Variants in SMARCB1 observed in about 807,000 individuals in gnomAD.
The protein encoded by SMARCB1 is SWI/SNF-related matrix-associated actin-dependent regulator of chromatin subfamily B member 1.
A neutral mutation model predicts 49.0 loss-of-function variants in SMARCB1; 5 were observed. That is an observed-to-expected ratio of 0.10 (90% confidence interval 0.05 to 0.21). SMARCB1 has a LOEUF of 0.21. SMARCB1 is among the 10% of genes least tolerant of loss of function. SMARCB1 has a pLI of 1.00. For synonymous variants in SMARCB1, 201 were observed against 200.1 expected, an observed-to-expected ratio of 1.00 and a Z score of -0.04; for missense variants, 226 against 509.2, an observed-to-expected ratio of 0.44 and a Z score of 5.35.
chr22:23,822,433 C>T (rs754074646), intron 6 of SMARCB1, among the ~76,000 whole-genome samples: 2 of 152,194 alleles, frequency 1.3e-5, no homozygotes, highest in Non-Finnish European at 2.9e-5. Context: ...GTGAGTCCAC[C>T]TGGAGTCCAG....
In SMARCB1 at chr22:23,834,284, C is replaced by T; in HGVS notation, c.*104C>T. 1 of 1,305,520 alleles carries T rather than the reference C, an allele frequency of 7.7e-7. No homozygotes were observed. Among genetic ancestry groups the T allele is most frequent in the African/African-American group, 1.5e-5 (1 of 67,816 alleles). The allele number at this position is 1,305,520 out of a possible 1,614,324, so 80.9% of individuals were successfully genotyped here. ...AGGCGAGGGGACAGCCCAGCGCCATCCTGAGGATCGGGTGGGGGTGGAGTG... is the reference window on the plus strand; with the variant it reads ...AGGCGAGGGGACAGCCCAGCGCCATTCTGAGGATCGGGTGGGGGTGGAGTG... On this transcript the variant is annotated 3_prime_UTR_variant, in exon 9 of 9. Transcript: ENST00000644036.
rs2030897636 is a variant in SMARCB1, at chr22:23,834,737, CAG to C, written c.*562_*563del. On this transcript the variant is annotated 3_prime_UTR_variant, in exon 9 of 9. Transcript: ENST00000644036. Reference sequence around the variant, plus strand: ...CCTCAGCCTGTTCTCCTTCCAGACCCAGAGAGCTGAGAAGAGTAGCTGTGAGG... The same window carrying C: ...CCTCAGCCTGTTCTCCTTCCAGACCCAGAGCTGAGAAGAGTAGCTGTGAGG... 6.7e-7 allele frequency: 1 copy of C among 1,483,886 alleles called. No individual in the cohort carries two copies. The highest frequency in any genetic ancestry group is 1.4e-5 in the African/African-American group (1 of 70,958). 91.9% of individuals were successfully genotyped at this position (1,483,886 alleles called of 1,614,324 possible).
intron 1 of SMARCB1, among the ~76,000 whole-genome samples, chr22:23,790,774 T>A (rs2145958339): frequency 6.6e-6 from 1 of 152,114 alleles, no homozygotes; most frequent in East Asian, 1.9e-4. Context: ...GCCGAGGAGT[T>A]CGAGGCTGCA....
intron 8 of SMARCB1, 41 bp downstream of exon 8, chr22:23,833,744 C>T (rs1298140850): frequency 1.9e-6 from 3 of 1,612,360 alleles, no homozygotes; most frequent in Non-Finnish European, 2.5e-6. Context: ...CCCACAGGCA[C>T]CTGGCTTTCC....
chr22:23,837,345 G>A lies in SMARCB1; in HGVS notation c.*3165G>A. The A allele has an allele frequency of 1.3e-6, 1 of 758,546 alleles. No individual in the cohort carries two copies. The highest frequency in any genetic ancestry group is 2.1e-6 in the Non-Finnish European group (1 of 469,410). The allele number at this position is 758,546 out of a possible 1,614,324, so 47.0% of individuals were successfully genotyped here. On this transcript the variant is annotated 3_prime_UTR_variant, in exon 9 of 9. Transcript: ENST00000644036. ...ACAAGCTTAAAAGGCCCAGAAGCAG[G>A]CAGGACCCAGGGAGGGGAGGGCCTG...
At chr22:23,829,996 C>A (rs925045129) in intron 7 of SMARCB1, among the ~76,000 whole-genome samples, 4 of 152,156 alleles carry the variant, frequency 2.6e-5, no homozygotes, top group Admixed American at 2.6e-4. Flanking sequence ...GGACTTCATT[C>A]TTTTTTATGA....
At chr22:23,794,540 T>G (rs1183194991) in intron 3 of SMARCB1, among the ~76,000 whole-genome samples, 1 of 151,992 alleles carries the variant, frequency 6.6e-6, no homozygotes, top group African/African-American at 2.4e-5. Context: ...GGGACCAATT[T>G]GTCAGAAAAA....
At chr22:23,794,502 A>C (rs1928617878) in intron 3 of SMARCB1, among the ~76,000 whole-genome samples, 1 of 151,974 alleles carries the variant, frequency 6.6e-6, no homozygotes, top group Non-Finnish European at 1.5e-5. Flanking sequence ...ACACAGCAAG[A>C]CCTCATTTCT....
chr22:23,787,318 G>GT, intron 1 of SMARCB1, 56 bp downstream of exon 1: 1 of 1,097,692 alleles, frequency 9.1e-7, no homozygotes, highest in South Asian at 1.3e-5. Context: ...GAGCCCCGGG[G>GT]CGGGCCCATG....
chr22:23,829,594 G>A (rs1356116867), intron 7 of SMARCB1, among the ~76,000 whole-genome samples: 7 of 152,338 alleles, frequency 4.6e-5, no homozygotes, highest in South Asian at 4.1e-4. Context: ...CTGGTTGAGC[G>A]TAAGCCTCAG....
chr22:23,813,921 C>G (rs1274043052), intron 5 of SMARCB1, among the ~76,000 whole-genome samples: 3 of 152,138 alleles, frequency 2.0e-5, no homozygotes, highest in East Asian at 3.8e-4. Context: ...CCTCCACCTT[C>G]CGGTTTCAAG....
In SMARCB1 at chr22:23,834,320, G is replaced by A; in HGVS notation, c.*140G>A. 1 of 924,802 alleles carries A rather than the reference G, an allele frequency of 1.1e-6. No homozygotes were observed. 57.3% of individuals were successfully genotyped at this position (924,802 alleles called of 1,614,324 possible). A position where few individuals can be genotyped will look rare whatever the true frequency, so the allele number is the denominator to read the frequency against. On this transcript the variant is annotated 3_prime_UTR_variant, in exon 9 of 9. Transcript: ENST00000644036. ...GGTGGGGGTGGAGTGGGGGCTTCCA[G>A]GTGGCCCTTCCCGGCACACATTCCA...
Position 23,833,710 on chromosome 22 carries a change from C to T in SMARCB1, c.1118+7C>T, listed in dbSNP as rs2030796697. The T allele has an allele frequency of 6.2e-7, 1 of 1,614,004 alleles. No homozygotes were observed. Among genetic ancestry groups the T allele is most frequent in the Non-Finnish European group, 8.5e-7 (1 of 1,180,016 alleles). ...ACCAGGACAGGAACACGAGGTACCC[C>T]TGGCCCTGTGGTCCTGGGCTCTGCC... On this transcript the variant is annotated splice_region_variant and intron_variant, in intron 8 of 8. Coordinates refer to ENST00000644036, the MANE Select transcript of SMARCB1 (RefSeq NM_003073.5).
intron 6 of SMARCB1, among the ~76,000 whole-genome samples, chr22:23,822,109 CAGAA>C (rs1430723744): frequency 6.6e-6 from 1 of 152,088 alleles, no homozygotes; most frequent in Admixed American, 6.5e-5. Context: ...TCTCTCTCCT[CAGAA>C]AGAGTGCCTT....
At position 23,835,380 on chromosome 22, in the gene SMARCB1, T is replaced by A. The variant is rs530713107; in HGVS notation, c.*1200T>A. On this transcript the variant is annotated 3_prime_UTR_variant, in exon 9 of 9. Transcript: ENST00000644036. ...GCTGCCACCCTCAGCTGTTGGCAGG[T>A]CCCATGCTGCCAGGGCAGGGCTAGG... 7 of 989,266 alleles carry A rather than the reference T, an allele frequency of 7.1e-6. No individual in the cohort carries two copies. In the South Asian group the frequency reaches 2.8e-4, roughly 40 times the overall value. The allele number at this position is 989,266 out of a possible 1,614,324, so 61.3% of individuals were successfully genotyped here.
intron 6 of SMARCB1, chr22:23,817,311 C>T (rs1323975226): frequency 5.9e-6 from 2 of 339,314 alleles, no homozygotes; most frequent in African/African-American, 2.1e-5. Flanking sequence ...GAGGTGGGCA[C>T]GTGGAGAGCT....
intron 2 of SMARCB1, chr22:23,793,309 C>T (rs1048529604): frequency 3.5e-5 from 20 of 570,340 alleles, no homozygotes; most frequent in Middle Eastern, 4.9e-4. Flanking sequence ...CCCTCTGCCC[C>T]GAGCCAGTGC....
intron 3 of SMARCB1, among the ~76,000 whole-genome samples, chr22:23,798,778 C>T (rs1046778165): frequency 6.6e-6 from 1 of 151,954 alleles, no homozygotes; most frequent in East Asian, 1.9e-4. Flanking sequence ...CGGCCGGGCG[C>T]GGTGACTGAC....
chr22:23,787,237 G>A lies in SMARCB1; in HGVS notation c.68G>A (p.Gly23Asp), dbSNP rs1601382621. The A allele has an allele frequency of 6.2e-7, 1 of 1,606,488 alleles. No individual in the cohort carries two copies. Among genetic ancestry groups the A allele is most frequent in the Non-Finnish European group, 8.5e-7 (1 of 1,175,362 alleles). The change falls in exon 1 of 9, where the codon GGC (glycine) becomes GAC (aspartate). Residue 23 changes from glycine to aspartate, a missense_variant. By Grantham distance (94) the Gly-to-Asp change is moderately conservative. This residue lies in a region of SMARCB1 where 37 missense variants were observed against 36.9 expected (regional missense o/e 1.00). Coordinates refer to ENST00000644036, the MANE Select transcript of SMARCB1 (RefSeq NM_003073.5). ...KPVKFQLEDDGEFYMIGSEVG... is the reference protein window; with the variant it reads ...KPVKFQLEDDDEFYMIGSEVG... The stretch of plus-strand genomic sequence containing the variant: ...GTGAAGTTCCAGCTGGAGGACGACG[G>A]CGAGTTCTACATGATCGGCTCCGAG...
Sources: allele counts gnomAD v4.1 joint callset (sites outside exome capture counted in the v4.1 genomes callset), GRCh38; gene constraint gnomAD v4.1.1; regional missense constraint gnomAD v4.1.1; transcripts MANE v1.5; gene names NCBI Gene and HGNC (gene_info 2026-07-23, HGNC 2026-07-21).